The following ATP6V0A1 variants were observed in gnomAD, a reference collection of about 807,000 sequenced individuals.
ATP6V0A1 encodes the protein ATPase H+ transporting V0 subunit a1.
A neutral mutation model predicts 105.4 loss-of-function variants in ATP6V0A1; 43 were observed. The ratio of observed to expected loss-of-function variants is 0.41; its 90% CI spans 0.32 to 0.53. The LOEUF (loss-of-function observed/expected upper bound fraction) is 0.53. Ranked by LOEUF, ATP6V0A1 falls within the 20% of genes least tolerant of loss-of-function variation. ATP6V0A1 has a pLI of 0.30. For synonymous variants in ATP6V0A1, 362 were observed against 372.8 expected, an observed-to-expected ratio of 0.97 and a Z score of 0.33; for missense variants, 676 against 1,051.1, an observed-to-expected ratio of 0.64 and a Z score of 4.93.
chr17:42,466,199 C>T (rs1019571223), intron 2 of ATP6V0A1, among the ~76,000 whole-genome samples: 1 of 152,126 alleles, frequency 6.6e-6, no homozygotes, highest in African/African-American at 2.4e-5. Flanking sequence ...TGTGTTTTAC[C>T]TAATTTGCCT....
chr17:42,509,487 G>T lies in ATP6V0A1; in HGVS notation c.2130+898G>T, dbSNP rs942203680. On this transcript the variant is annotated intron_variant, in intron 19 of 21. Transcript: ENST00000343619. ...GTGGGATGGGAATGGGAAAGCCTTT[G>T]CTGTTCTGTGTAAACACAGGTAGGG... Among the ~76,000 whole-genome samples the T allele has an allele frequency of 2.0e-5, 3 of 152,188 alleles. No homozygotes were observed. In the East Asian group the frequency reaches 5.8e-4, roughly 29 times the overall value.
chr17:42,487,051 C>T, intron 9 of ATP6V0A1, 104 bp from the exon 10 acceptor site: 1 of 1,130,214 alleles, frequency 8.8e-7, no homozygotes, highest in Non-Finnish European at 1.3e-6. Context: ...AAAGACAATT[C>T]CCTGGCAACT....
At chr17:42,508,653 C>T in intron 19 of ATP6V0A1, 64 bp downstream of exon 19, 1 of 1,604,930 alleles carries the variant, frequency 6.2e-7, no homozygotes, top group Non-Finnish European at 8.5e-7. Flanking sequence ...TCCTTGTGAT[C>T]ACTCTGCTGA....
chr17:42,489,600 A>G (rs1035400372), intron 10 of ATP6V0A1, among the ~76,000 whole-genome samples: 8 of 152,042 alleles, frequency 5.3e-5, no homozygotes, highest in Admixed American at 1.3e-4. Flanking sequence ...AGCAAGGTGC[A>G]GGAGAAATAC....
chr17:42,509,650 C>G (rs1358629508), intron 19 of ATP6V0A1: 1 of 152,244 alleles, frequency 6.6e-6, no homozygotes, highest in African/African-American at 2.4e-5. Flanking sequence ...TAATGAGGAG[C>G]CCAACCCTTT....
chr17:42,462,998 C>CTTTTTTTTTTTTTTTTTTTTTTTTTTTTT (rs35135162), intron 2 of ATP6V0A1, among the ~76,000 whole-genome samples: 1 of 66,174 alleles, frequency 1.5e-5, no homozygotes, highest in Non-Finnish European at 2.6e-5. Context: ...GGATATGGAA[C>CTTTTTTTTTTTTTTTTTTTTTTTTTTTTT]TTTTTTTTTT....
intron 4 of ATP6V0A1, among the ~76,000 whole-genome samples, chr17:42,469,224 C>T (rs1392765752): frequency 6.6e-6 from 1 of 151,900 alleles, no homozygotes; most frequent in Non-Finnish European, 1.5e-5. Context: ...TTATTTTATC[C>T]ATCTGAAATC....
intron 8 of ATP6V0A1, among the ~76,000 whole-genome samples, chr17:42,482,774 A>G (rs538151579): frequency 1.3e-5 from 2 of 151,850 alleles, no homozygotes; most frequent in East Asian, 1.9e-4. Context: ...GCAGGCGCCT[A>G]TAATCCCAGG....
rs368692715 is a variant in ATP6V0A1, at chr17:42,501,319, A to G, written c.2004+15A>G. 3.3e-5 allele frequency: 52 copies of G among 1,595,192 alleles called. No homozygotes were observed. The highest frequency in any genetic ancestry group is 1.7e-4 in the Middle Eastern group (1 of 6,052). Reference sequence around the variant, plus strand: ...GAAAGCATTTGGTAGGTGTATTTCTATTGCTAAAAGTTACTAGACTTTTGT... The same window carrying G: ...GAAAGCATTTGGTAGGTGTATTTCTGTTGCTAAAAGTTACTAGACTTTTGT... On this transcript the variant is annotated intron_variant, in intron 17 of 21. Transcript: ENST00000343619.
intron 19 of ATP6V0A1, among the ~76,000 whole-genome samples, chr17:42,508,935 G>A (rs898113757): frequency 3.3e-5 from 5 of 152,114 alleles, no homozygotes; most frequent in Admixed American, 6.5e-5. Flanking sequence ...CCTCTCCTGT[G>A]ATGTTGTGGT....
chr17:42,482,826 G>A (rs1475290579), intron 8 of ATP6V0A1, among the ~76,000 whole-genome samples: 1 of 150,722 alleles, frequency 6.6e-6, no homozygotes, highest in African/African-American at 2.4e-5. Flanking sequence ...GAACCCAGGG[G>A]CAGAGGTTGC....
chr17:42,489,248 T>G (rs1426027118), intron 10 of ATP6V0A1, among the ~76,000 whole-genome samples: 1 of 151,480 alleles, frequency 6.6e-6, no homozygotes, highest in Non-Finnish European at 1.5e-5. Context: ...CCCAGCTAAT[T>G]TTTTGTATTT....
At chr17:42,492,750 T>G (rs1032065476) in intron 11 of ATP6V0A1, among the ~76,000 whole-genome samples, 1 of 148,288 alleles carries the variant, frequency 6.7e-6, no homozygotes, top group African/African-American at 2.5e-5. Flanking sequence ...GCGTGGTGGT[T>G]CATGCCTGTA....
At chr17:42,502,831 C>A (rs1458533487) in intron 17 of ATP6V0A1, 1 of 152,606 alleles carries the variant, frequency 6.6e-6, no homozygotes, top group Non-Finnish European at 1.5e-5. Context: ...AGCCCAAACC[C>A]GAGCCAACAG....
chr17:42,469,346 T>TTC (rs1388021695), intron 4 of ATP6V0A1, among the ~76,000 whole-genome samples: 1 of 148,400 alleles, frequency 6.7e-6, no homozygotes, highest in Non-Finnish European at 1.5e-5. Context: ...TTTTTTTTTT[T>TTC]TCCAGACAGA....
chr17:42,520,082 C>T, intron 21 of ATP6V0A1: 1 of 206,766 alleles, frequency 4.8e-6, no homozygotes, highest in Non-Finnish European at 1.0e-5. Context: ...AAGCCCTCAC[C>T]CTGCACGTGA....
At chr17:42,463,197 G>A (rs966063399) in intron 2 of ATP6V0A1, among the ~76,000 whole-genome samples, 1 of 150,742 alleles carries the variant, frequency 6.6e-6, no homozygotes, top group Admixed American at 6.6e-5. Context: ...AGTAGAGATG[G>A]AGTTTCACCA....
chr17:42,507,102 C>G (rs1009941425), intron 17 of ATP6V0A1, among the ~76,000 whole-genome samples: 1 of 152,180 alleles, frequency 6.6e-6, no homozygotes, highest in African/African-American at 2.4e-5. Flanking sequence ...TCACTTGGCC[C>G]CCCTTCCTCT....
chr17:42,504,988 T>G (rs556532457), intron 17 of ATP6V0A1, among the ~76,000 whole-genome samples: 19 of 152,160 alleles, frequency 1.2e-4, no homozygotes, highest in Non-Finnish European at 2.5e-4. Flanking sequence ...ATCTATTACG[T>G]TTTTTAAAAG....
Sources: gnomAD v4.1 joint callset for allele counts (sites outside exome capture counted in the v4.1 genomes callset) on GRCh38, gnomAD v4.1.1 for gene constraint, MANE v1.5 for transcripts, NCBI Gene and HGNC (gene_info 2026-07-23, HGNC 2026-07-21) for gene names.